C5: variants seen among roughly 807,000 people sequenced by gnomAD.
C5 encodes the protein complement C5.
In C5, 140 loss-of-function variants were observed where a neutral mutation model predicts 218.8. That is an observed-to-expected ratio of 0.64 (90% CI 0.56 to 0.74). The LOEUF (loss-of-function observed/expected upper bound fraction) is 0.74. Among genes scored for constraint, C5 ranks in the 30% least tolerant of loss-of-function variants. C5 has a pLI of 0.00. For synonymous variants in C5, 614 were observed against 682.3 expected (o/e 0.90, Z 1.56); for missense variants, 1,700 against 1,969.6 (o/e 0.86, Z 2.59).
the C5 span, chr9:121,074,761 G>A: frequency 4.4e-6 from 2 of 453,666 alleles, no homozygotes; most frequent in South Asian, 3.1e-5. Flanking sequence ...CACCTGCAAC[G>A]CAATCCGAAG....
intron 11 of C5, among the ~76,000 whole-genome samples, chr9:121,020,824 C>T (rs921850287): frequency 1.3e-5 from 2 of 152,154 alleles, no homozygotes; most frequent in African/African-American, 2.4e-5. Flanking sequence ...AGGTTAGAAG[C>T]CTCCATTTCC....
intron 5 of C5, 99 bp downstream of exon 5, chr9:121,034,704 G>T: frequency 1.4e-6 from 1 of 709,658 alleles, no homozygotes; most frequent in Non-Finnish European, 2.5e-6. Flanking sequence ...CCACCTATGT[G>T]ACACCCTTTG....
rs2047221629 is a variant in C5, at chr9:121,007,010, T to C, written c.2349-33A>G. On this transcript the variant is annotated intron_variant, in intron 18 of 40. Coordinates refer to ENST00000223642, the MANE Select transcript of C5 (RefSeq NM_001735.3). ...TTAAAATGTTGATATTCAAATACAG[T>C]GGAATATTGATTAACCCAACTTAAC... The C allele has an allele frequency of 5.3e-6, 8 of 1,504,518 alleles. No individual in the cohort carries two copies. The East Asian group carries it at 1.4e-4, about 25-fold the overall frequency. The allele number at this position is 1,504,518 out of a possible 1,614,324, so 93.2% of individuals were successfully genotyped here.
At chr9:120,981,333 T>C (rs555316379) in intron 27 of C5, among the ~76,000 whole-genome samples, 39 of 152,250 alleles carry the variant, frequency 2.6e-4, no homozygotes, top group Non-Finnish European at 2.8e-4. Flanking sequence ...GGAAATCTTC[T>C]ATGTTGATTT....
chr9:120,989,238 G>A (rs2047057554), intron 24 of C5, 117 bp from the exon 25 acceptor site: 1 of 811,132 alleles, frequency 1.2e-6, no homozygotes, highest in Non-Finnish European at 2.2e-6. Context: ...GCAAGCATAT[G>A]CTCTGTGGCC....
intron 10 of C5, 81 bp downstream of exon 10, chr9:121,023,323 C>A (rs2047383009): frequency 1.1e-6 from 1 of 899,668 alleles, no homozygotes; most frequent in South Asian, 1.3e-5. Context: ...AACATTCTTA[C>A]CCTGTTTGCC....
intron 17 of C5, 83 bp downstream of exon 17, chr9:121,013,790 T>C (rs1248447603): frequency 1.4e-5 from 17 of 1,200,604 alleles, no homozygotes; most frequent in Admixed American, 5.3e-5. Flanking sequence ...AAATAGATCA[T>C]GAAAACTGCC....
Position 120,953,806 on chromosome 9 carries a change from C to T in C5, c.4825G>A (p.Ala1609Thr), listed in dbSNP as rs1257927311. 1 of 1,613,608 alleles carries T rather than the reference C, an allele frequency of 6.2e-7. No homozygotes were observed. Among genetic ancestry groups the T allele is most frequent in the East Asian group, 2.2e-5 (1 of 44,884 alleles). The change falls in exon 40 of 41, where the codon GCT becomes ACT. Residue 1609 changes from alanine (A) to threonine (T), a missense_variant. By Grantham distance (58) the Ala-to-Thr change is moderately conservative (BLOSUM62 0). Transcript: ENST00000223642. ...TFIKKVTCTN[A>T]ELVKGRQYLI... is the part of the protein sequence containing the mutation. ...TACTGTCTTCCTTTTACCAGCTCAG[C>T]GTTAGTACAGGTTACCTTTTTAATG...
chr9:121,021,635 T>G lies in C5; in HGVS notation c.1176A>C (p.Ala392=). The stretch of plus-strand genomic sequence containing the variant: ...TCTCTTGGTTTACATCAATTGTTTG[T>G]GCATTCAGTGTTACTGGGACTCCTC... The part of the protein sequence containing the change: ...LVGGVPVTLN[A]QTIDVNQETS... Residue 392 remains alanine, a synonymous_variant, in exon 11 of 41, where the codon GCA becomes GCC. Transcript: ENST00000223642. The G allele has an allele frequency of 6.2e-7, 1 of 1,614,034 alleles. No individual in the cohort carries two copies. Among genetic ancestry groups the G allele is most frequent in the Non-Finnish European group, 8.5e-7 (1 of 1,179,896 alleles).
the C5 span, among the ~76,000 whole-genome samples, chr9:121,059,695 C>A: frequency 1.3e-5 from 2 of 152,220 alleles, no homozygotes; most frequent in East Asian, 3.9e-4. This position sits in a 1 kb window ranked among gnomAD's most constrained non-coding sequence, Gnocchi z 4.1. Flanking sequence ...AGATGTGTGA[C>A]TTCTGAGGTT....
chr9:121,063,259 T>A, the C5 span, among the ~76,000 whole-genome samples: 5 of 151,850 alleles, frequency 3.3e-5, no homozygotes, highest in African/African-American at 1.2e-4. Context: ...AATTGATCTA[T>A]CTTCAAGTTC....
At chr9:121,003,626 T>C (rs1002337260) in intron 20 of C5, among the ~76,000 whole-genome samples, 2 of 152,214 alleles carry the variant, frequency 1.3e-5, no homozygotes, top group African/African-American at 4.8e-5. Context: ...ATAAATTGAA[T>C]AAGCTAAATG....
At chr9:120,960,409 G>A (rs2046818444) in intron 37 of C5, 72 bp from the exon 38 acceptor site, 10 of 986,162 alleles carry the variant, frequency 1.0e-5, no homozygotes, top group East Asian at 4.8e-5. Flanking sequence ...GAGTAAACAC[G>A]GTTTCTCATG....
rs150310501 is a variant in C5 at position 121,017,497 on chromosome 9, A to G, written c.1731T>C (p.Pro577=). Residue 577 remains proline, a synonymous_variant, in exon 14 of 41, where the codon CCT becomes CCC. Coordinates refer to ENST00000223642, the MANE Select transcript of C5 (RefSeq NM_001735.3). ...GGCCTGGAGAATATGCATCTGCATC[A>G]GGAGACAGATGAACCTAAAAGTTCA... The part of the protein sequence containing the change: ...CGNQLQVHLS[P]DADAYSPGQT... 6 of 1,613,634 alleles carry G rather than the reference A, an allele frequency of 3.7e-6. No individual in the cohort carries two copies. The highest frequency in any genetic ancestry group is 1.6e-4 in the Middle Eastern group (1 of 6,084).
At chr9:120,985,435 C>A (rs1161527647) in intron 25 of C5, among the ~76,000 whole-genome samples, 2 of 152,096 alleles carry the variant, frequency 1.3e-5, no homozygotes, top group Non-Finnish European at 2.9e-5. Context: ...TATGTTCCAG[C>A]AATTCTATCT....
chr9:121,059,650 C>T, the C5 span, among the ~76,000 whole-genome samples: 1 of 152,204 alleles, frequency 6.6e-6, no homozygotes, highest in African/African-American at 2.4e-5. This position sits in a 1 kb window ranked among gnomAD's most constrained non-coding sequence, Gnocchi z 4.1. Flanking sequence ...TGTATCACAC[C>T]GATTCATCTG....
intron 33 of C5, among the ~76,000 whole-genome samples, chr9:120,965,527 A>T (rs1011337143): frequency 7.8e-5 from 9 of 115,210 alleles, no homozygotes; most frequent in Admixed American, 1.6e-4. Context: ...CTCAAAAATA[A>T]ATAAATAAAT....
chr9:121,041,850 G>T (rs186554634), intron 3 of C5, among the ~76,000 whole-genome samples: 11 of 152,288 alleles, frequency 7.2e-5, no homozygotes, highest in Admixed American at 2.6e-4. Context: ...GGAGAAAAAA[G>T]ATGCTATTAT....
the C5 span, among the ~76,000 whole-genome samples, chr9:121,060,026 T>C: frequency 1.3e-5 from 2 of 152,186 alleles, no homozygotes; most frequent in Non-Finnish European, 2.9e-5. Flanking sequence ...CGTCATTAAG[T>C]TTGGGGGAAT....
Sources: allele counts gnomAD v4.1 joint callset (sites outside exome capture counted in the v4.1 genomes callset), GRCh38; gene constraint gnomAD v4.1.1; non-coding constraint Gnocchi (gnomAD v3.1); transcripts MANE v1.5; gene names NCBI Gene and HGNC (gene_info 2026-07-23, HGNC 2026-07-21).